Variants in SRGAP1 observed in about 807,000 individuals in gnomAD.
SRGAP1 encodes the protein SLIT-ROBO Rho GTPase activating protein 1, also known as SLIT-ROBO Rho GTPase-activating protein 1.
Under a neutral mutation model 121.9 loss-of-function variants are expected in SRGAP1, and 43 were observed. The observed-to-expected ratio is 0.35, with a 90% confidence interval of 0.28 to 0.46. The LOEUF is 0.46. Among genes scored for constraint, SRGAP1 ranks in the 20% least tolerant of loss-of-function variants. The pLI is 1.00. For missense variants in SRGAP1, 1,102 were observed against 1,350.9 expected, an observed-to-expected ratio of 0.82 and a Z score of 2.89; for synonymous variants, 447 against 485.4, an observed-to-expected ratio of 0.92 and a Z score of 1.04.
At chr12:64,140,555 A>G (rs1041775178) in intron 21 of SRGAP1, among the ~76,000 whole-genome samples, 3 of 152,120 alleles carry the variant, frequency 2.0e-5, no homozygotes, top group Non-Finnish European at 4.4e-5. Context: ...TCTGTTGCAA[A>G]TCAAAACTAC....
chr12:63,874,470 TG>T, intron 1 of SRGAP1, among the ~76,000 whole-genome samples: 1 of 152,320 alleles, frequency 6.6e-6, no homozygotes. Flanking sequence ...CCCAAAGTGC[TG>T]GGATTACAGG....
intron 4 of SRGAP1, among the ~76,000 whole-genome samples, chr12:64,020,124 T>TG (rs2034506297): frequency 6.6e-6 from 1 of 152,226 alleles, no homozygotes; most frequent in Admixed American, 6.5e-5. Flanking sequence ...CAGCAATTGT[T>TG]GATTATTTCA....
chr12:63,871,662 G>T, intron 1 of SRGAP1: 1 of 628,832 alleles, frequency 1.6e-6, no homozygotes. Context: ...TAAGAATAGC[G>T]CTGTATTTTC....
Position 64,025,086 on chromosome 12 carries a change from G to A in SRGAP1, c.489+8074G>A, listed in dbSNP as rs190698649. The stretch of plus-strand genomic sequence containing the variant: ...GAGCGGTTTAAAAAGCAGAGTTGAT[G>A]TGAGCACAGAATCTAGCCTGGCCTT... On this transcript the variant is annotated intron_variant, in intron 4 of 21. Transcript: ENST00000355086. Among the ~76,000 whole-genome samples, 18 of 151,678 alleles carry A rather than the reference G, an allele frequency of 1.2e-4. No homozygotes were observed. The East Asian group carries it at 2.5e-3, about 21-fold the overall frequency.
In SRGAP1 at chr12:63,859,232, C is replaced by G. The variant is rs537073817; in HGVS notation, c.67+14349C>G. Among the ~76,000 whole-genome samples the G allele has an allele frequency of 1.0e-3, 159 of 152,198 alleles. No homozygotes were observed. In the Middle Eastern group the frequency reaches 0.017, roughly 16 times the overall value. ...TGTCATCCAGGCTGGCATTCAGTGG[C>G]TCATTGCAACCGCCACCTCCCAGTT... On this transcript the variant is annotated intron_variant, in intron 1 of 21. Coordinates refer to ENST00000355086, the MANE Select transcript of SRGAP1 (RefSeq NM_020762.4).
chr12:64,054,946 G>T (rs1241724632), intron 6 of SRGAP1, among the ~76,000 whole-genome samples: 2 of 137,340 alleles, frequency 1.5e-5, no homozygotes, highest in Non-Finnish European at 3.0e-5. Context: ...GTCCATGTGA[G>T]CTCATTGTTC....
chr12:64,130,339 C>A (rs1317285035), intron 21 of SRGAP1, among the ~76,000 whole-genome samples: 3 of 152,114 alleles, frequency 2.0e-5, no homozygotes, highest in African/African-American at 7.2e-5. Context: ...CTCCTGGTGG[C>A]ACATTCCTCC....
chr12:64,000,013 T>C (rs1192361078), intron 3 of SRGAP1, among the ~76,000 whole-genome samples: 1 of 152,020 alleles, frequency 6.6e-6, no homozygotes, highest in African/African-American at 2.4e-5. Flanking sequence ...GTGAAGAAAA[T>C]GCTGCCAGGA....
intron 4 of SRGAP1, among the ~76,000 whole-genome samples, chr12:64,029,473 T>C (rs934582251): frequency 6.6e-6 from 1 of 152,136 alleles, no homozygotes; most frequent in Admixed American, 6.5e-5. Flanking sequence ...TGTACAGTGT[T>C]GGGCACCAGA....
chr12:63,863,947 T>C (rs1257048789), intron 1 of SRGAP1, among the ~76,000 whole-genome samples: 1 of 152,156 alleles, frequency 6.6e-6, no homozygotes, highest in African/African-American at 2.4e-5. Flanking sequence ...TTGCCTTATT[T>C]GAATACGGTT....
chr12:64,048,745 G>A (rs1359154213), intron 6 of SRGAP1, among the ~76,000 whole-genome samples: 1 of 152,094 alleles, frequency 6.6e-6, no homozygotes, highest in African/African-American at 2.4e-5. Flanking sequence ...GCATCTCTCT[G>A]ATGATCAGTG....
chr12:63,986,752 G>A (rs1357736394), intron 2 of SRGAP1, among the ~76,000 whole-genome samples: 1 of 152,144 alleles, frequency 6.6e-6, no homozygotes, highest in Non-Finnish European at 1.5e-5. Context: ...AGTATCTTCT[G>A]TGTTTTGCAT....
At chr12:63,913,464 TATATATATATATGG>T (rs2030621175) in intron 1 of SRGAP1, among the ~76,000 whole-genome samples, 1 of 109,900 alleles carries the variant, frequency 9.1e-6, no homozygotes, top group Admixed American at 9.9e-5. Context: ...CATATATATA[TATATATATATATGG>T]ATATATATAT....
chr12:64,096,016 T>C (rs1029198220), intron 14 of SRGAP1, among the ~76,000 whole-genome samples: 1 of 152,176 alleles, frequency 6.6e-6, no homozygotes, highest in African/African-American at 2.4e-5. Flanking sequence ...CTATTTGGCC[T>C]CGATTTCCTC....
intron 1 of SRGAP1, among the ~76,000 whole-genome samples, chr12:63,889,118 T>C (rs976059462): frequency 1.3e-5 from 2 of 152,180 alleles, no homozygotes; most frequent in Admixed American, 6.5e-5. Context: ...GCCCATCCCC[T>C]GAAAGCACAC....
At chr12:63,903,989 A>G (rs1219990673) in intron 1 of SRGAP1, among the ~76,000 whole-genome samples, 1 of 152,132 alleles carries the variant, frequency 6.6e-6, no homozygotes, top group Non-Finnish European at 1.5e-5. Context: ...TATACTATAT[A>G]TATGTAGGAA....
intron 1 of SRGAP1, among the ~76,000 whole-genome samples, chr12:63,899,416 G>T (rs1237032245): frequency 6.6e-6 from 1 of 151,974 alleles, no homozygotes; most frequent in East Asian, 1.9e-4. Context: ...AAAAACCTTA[G>T]ACCAATTAAA....
chr12:64,098,994 C>G (rs2036213816), intron 15 of SRGAP1, among the ~76,000 whole-genome samples: 1 of 152,198 alleles, frequency 6.6e-6, no homozygotes. Context: ...TCCCATTATT[C>G]TATTGGGTAC....
intron 4 of SRGAP1, among the ~76,000 whole-genome samples, chr12:64,040,820 A>C (rs1159287700): frequency 6.6e-6 from 1 of 152,200 alleles, no homozygotes; most frequent in East Asian, 1.9e-4. Context: ...ACAATAGATC[A>C]GTTTATTTTA....
Sources: gnomAD v4.1 joint callset for allele counts (sites outside exome capture counted in the v4.1 genomes callset) on GRCh38, gnomAD v4.1.1 for gene constraint, MANE v1.5 for transcripts, NCBI Gene and HGNC (gene_info 2026-07-23, HGNC 2026-07-21) for gene names.